Variants in FAF2 observed in about 807,000 individuals in gnomAD.
FAF2 encodes the protein FAS-associated factor 2.
In FAF2, 9 loss-of-function variants were observed where a neutral mutation model predicts 62.3. The ratio of observed to expected loss-of-function variants is 0.14; its 90% confidence interval spans 0.09 to 0.25. The LOEUF is 0.25. Among genes scored for constraint, FAF2 ranks in the 10% least tolerant of loss-of-function variants. The pLI is 1.00. For missense variants in FAF2, 368 were observed against 556.2 expected (o/e 0.66, Z 3.40); for synonymous variants, 202 against 198.0 (o/e 1.02, Z -0.17).
At chr5:176,467,965 G>A (rs1243595979) in intron 1 of FAF2, among the ~76,000 whole-genome samples, 1 of 152,056 alleles carries the variant, frequency 6.6e-6, no homozygotes, top group Non-Finnish European at 1.5e-5. Flanking sequence ...AGGAGTTCAA[G>A]ACTAGCCTGG....
chr5:176,462,751 C>T (rs1408543149), intron 1 of FAF2, among the ~76,000 whole-genome samples: 1 of 152,168 alleles, frequency 6.6e-6, no homozygotes, highest in East Asian at 1.9e-4. Flanking sequence ...TTAAATTTTG[C>T]TAATATATAC....
chr5:176,479,324 T>C, intron 2 of FAF2, 68 bp downstream of exon 2: 1 of 1,259,494 alleles, frequency 7.9e-7, no homozygotes, highest in Non-Finnish European at 1.2e-6. Flanking sequence ...AACCGTATGT[T>C]TTTCCATAGC....
At chr5:176,506,005 A>G (rs1755676319) in intron 10 of FAF2, among the ~76,000 whole-genome samples, 1 of 152,044 alleles carries the variant, frequency 6.6e-6, no homozygotes, top group Non-Finnish European at 1.5e-5. Context: ...CCTGGCTAAC[A>G]CGGTGAAACC....
intron 1 of FAF2, among the ~76,000 whole-genome samples, chr5:176,451,006 G>A (rs10051756): frequency 0.82 from 124,311 of 152,162 alleles, 50,831 homozygotes; most frequent in African/African-American, 0.86. Flanking sequence ...TAAACAAACA[G>A]TTGTTGAAAC....
chr5:176,488,923 G>A, intron 3 of FAF2, 28 bp from the exon 4 acceptor site: 3 of 1,575,450 alleles, frequency 1.9e-6, no homozygotes, highest in South Asian at 1.1e-5. Context: ...TGAGAGAATT[G>A]TCTCTAACTT....
At chr5:176,450,136 G>A (rs986952753) in intron 1 of FAF2, among the ~76,000 whole-genome samples, 1 of 152,132 alleles carries the variant, frequency 6.6e-6, no homozygotes, top group Non-Finnish European at 1.5e-5. Context: ...TCCTTGAATA[G>A]ACTTCACTAT....
In FAF2 at chr5:176,506,952, A is replaced by AT. The variant is rs750438111; in HGVS notation, c.*9dup. On this transcript the variant is annotated 3_prime_UTR_variant, in exon 11 of 11. Transcript: ENST00000261942. Reference sequence around the variant, plus strand: ...GTTCAGGACCTAACTGACGAATGACATTTTTTTCTTCCTGTCCCCTCCTAC... The same window carrying AT: ...GTTCAGGACCTAACTGACGAATGACATTTTTTTTCTTCCTGTCCCCTCCTAC... The AT allele has an allele frequency of 1.3e-6, 2 of 1,512,170 alleles. No homozygotes were observed. Among genetic ancestry groups the AT allele is most frequent in the South Asian group, 1.3e-5 (1 of 74,484 alleles). 93.7% of individuals were successfully genotyped at this position (1,512,170 alleles called of 1,614,324 possible).
chr5:176,448,616 A>AT, intron 1 of FAF2, 146 bp downstream of exon 1: 1 of 784,832 alleles, frequency 1.3e-6, no homozygotes, highest in Non-Finnish European at 2.0e-6. Context: ...AACTGCCCTG[A>AT]TTCCCCCGGC....
At chr5:176,475,833 A>C (rs1298076965) in intron 1 of FAF2, among the ~76,000 whole-genome samples, 1 of 152,144 alleles carries the variant, frequency 6.6e-6, no homozygotes, top group Non-Finnish European at 1.5e-5. Context: ...CATTAGAATC[A>C]GCTGAGGAGC....
chr5:176,473,557 C>T (rs1440907770), intron 1 of FAF2, among the ~76,000 whole-genome samples: 1 of 152,044 alleles, frequency 6.6e-6, no homozygotes, highest in East Asian at 1.9e-4. Flanking sequence ...CATGCCTAGC[C>T]CATCCTGGGA....
intron 1 of FAF2, among the ~76,000 whole-genome samples, chr5:176,478,862 C>A (rs1758744224): frequency 6.6e-6 from 1 of 152,154 alleles, no homozygotes. Flanking sequence ...AGCTGTTTAG[C>A]ATTAAATAAT....
chr5:176,483,549 G>A (rs1350423676), intron 2 of FAF2, among the ~76,000 whole-genome samples: 1 of 152,094 alleles, frequency 6.6e-6, no homozygotes, highest in Non-Finnish European at 1.5e-5. Flanking sequence ...GTAAAACTAG[G>A]GGACTACCTG....
At chr5:176,479,472 C>T (rs1758755834) in intron 2 of FAF2, among the ~76,000 whole-genome samples, 1 of 152,082 alleles carries the variant, frequency 6.6e-6, no homozygotes, top group African/African-American at 2.4e-5. Context: ...CCACCCCCTA[C>T]TGTTTGTTAG....
intron 1 of FAF2, among the ~76,000 whole-genome samples, chr5:176,450,699 A>G (rs1440811828): frequency 6.6e-6 from 1 of 152,020 alleles, no homozygotes; most frequent in Non-Finnish European, 1.5e-5. Context: ...GACTACAGGC[A>G]CGCGCCACCA....
chr5:176,503,622 GGA>G (rs754206220), intron 10 of FAF2, among the ~76,000 whole-genome samples: 43 of 151,884 alleles, frequency 2.8e-4, no homozygotes, highest in Non-Finnish European at 5.9e-4. Flanking sequence ...ATAATCTCCA[GGA>G]GTGACAGATT....
intron 5 of FAF2, 148 bp from the exon 6 acceptor site, chr5:176,493,851 T>C: frequency 5.1e-6 from 3 of 591,036 alleles, no homozygotes; most frequent in Non-Finnish European, 9.0e-6. Flanking sequence ...AGGTAGGAGC[T>C]CAGGAATTTT....
At chr5:176,482,879 G>A (rs180727777) in intron 2 of FAF2, among the ~76,000 whole-genome samples, 138 of 149,646 alleles carry the variant, frequency 9.2e-4, no homozygotes, top group African/African-American at 3.1e-3. Flanking sequence ...TTACTCTCTT[G>A]ATAGTGGTTT....
At chr5:176,451,729 A>G (rs1241480117) in intron 1 of FAF2, among the ~76,000 whole-genome samples, 1 of 137,876 alleles carries the variant, frequency 7.3e-6, no homozygotes, top group Non-Finnish European at 1.5e-5. Flanking sequence ...ATATATAGAT[A>G]TATATATATG....
chr5:176,448,939 G>T (rs1056321768), intron 1 of FAF2, among the ~76,000 whole-genome samples: 1 of 152,172 alleles, frequency 6.6e-6, no homozygotes, highest in African/African-American at 2.4e-5. Flanking sequence ...CAGGTTTCGT[G>T]TTGGGGGTTC....
Sources: gnomAD v4.1 joint callset for allele counts (sites outside exome capture counted in the v4.1 genomes callset) on GRCh38, gnomAD v4.1.1 for gene constraint, MANE v1.5 for transcripts, NCBI Gene and HGNC (gene_info 2026-07-23, HGNC 2026-07-21) for gene names.